The following CD109 variants were observed in gnomAD, a reference collection of about 807,000 sequenced individuals.
CD109 encodes CD109 molecule, also known as CD109 antigen.
In CD109, 149 loss-of-function variants were observed where a neutral mutation model predicts 165.8. That is an observed-to-expected ratio of 0.90 (90% CI 0.79 to 1.03). The LOEUF is 1.03. Among genes scored for constraint, CD109 ranks in the 50% least tolerant of loss-of-function variants. The pLI, the probability that CD109 is intolerant of heterozygous loss-of-function variation, is 0.00. For missense variants in CD109, 1,712 were observed against 1,677.8 expected, an observed-to-expected ratio of 1.02 and a Z score of -0.36; for synonymous variants, 585 against 592.1, an observed-to-expected ratio of 0.99 and a Z score of 0.18.
chr6:73,730,138 A>G (rs990695983), intron 3 of CD109, among the ~76,000 whole-genome samples: 22 of 152,212 alleles, frequency 1.4e-4, no homozygotes, highest in Admixed American at 6.5e-5. Flanking sequence ...CCATTCCAGG[A>G]GCCCTGTGAT....
chr6:73,792,596 CTGA>C, intron 22 of CD109, 27 bp from the exon 23 acceptor site: 1 of 1,606,548 alleles, frequency 6.2e-7, no homozygotes, highest in Non-Finnish European at 8.5e-7. Flanking sequence ...TGAGTATTTA[CTGA>C]ATGAACTGCA....
chr6:73,802,253 GTA>G (rs201978336), intron 23 of CD109, among the ~76,000 whole-genome samples: 2,070 of 129,696 alleles, frequency 0.016, 23 homozygotes, highest in East Asian at 0.041. Flanking sequence ...CTGAGCATGT[GTA>G]TATGTGTGTG....
chr6:73,736,721 T>G (rs1582081139), intron 5 of CD109, among the ~76,000 whole-genome samples: 2 of 152,358 alleles, frequency 1.3e-5, no homozygotes, highest in East Asian at 3.8e-4. Flanking sequence ...TGTTGTCTTT[T>G]TCTATGATAT....
chr6:73,709,654 G>T (rs1469359939), intron 2 of CD109, among the ~76,000 whole-genome samples: 1 of 152,010 alleles, frequency 6.6e-6, no homozygotes, highest in Non-Finnish European at 1.5e-5. Context: ...AGAATTTTAG[G>T]CCAATATCCC....
At chr6:73,700,383 A>AT (rs1282823446) in intron 2 of CD109, among the ~76,000 whole-genome samples, 2 of 151,200 alleles carry the variant, frequency 1.3e-5, no homozygotes, top group African/African-American at 4.9e-5. Context: ...TGATTGTTTC[A>AT]TTTTCCTATG....
intron 2 of CD109, among the ~76,000 whole-genome samples, chr6:73,708,172 C>A (rs755856232): frequency 6.6e-6 from 1 of 151,846 alleles, no homozygotes; most frequent in African/African-American, 2.4e-5. Flanking sequence ...CGACAGGCCC[C>A]GGTGTGTGAT....
At chr6:73,742,654 C>T (rs764933623) in intron 5 of CD109, among the ~76,000 whole-genome samples, 12 of 152,196 alleles carry the variant, frequency 7.9e-5, no homozygotes, top group Admixed American at 1.3e-4. Context: ...CATTTGATGA[C>T]GGCAGCCCTG....
chr6:73,767,058 TTTTA>T, intron 13 of CD109, 48 bp downstream of exon 13: 1 of 1,500,816 alleles, frequency 6.7e-7, no homozygotes, highest in Non-Finnish European at 9.2e-7. Flanking sequence ...AGAATCATCT[TTTTA>T]TTCACTTTTA....
intron 5 of CD109, among the ~76,000 whole-genome samples, chr6:73,739,846 T>TA (rs988853308): frequency 2.0e-5 from 3 of 150,220 alleles, no homozygotes; most frequent in African/African-American, 2.5e-5. Flanking sequence ...ATACTCTGGC[T>TA]AAAAAAAAAG....
At chr6:73,785,622 T>C (rs1001316332) in intron 20 of CD109, 145 bp downstream of exon 20, 4 of 543,888 alleles carry the variant, frequency 7.4e-6, no homozygotes, top group South Asian at 2.7e-5. Flanking sequence ...ACATGTCTTG[T>C]CAGTGATTTC....
the CD109 span, among the ~76,000 whole-genome samples, chr6:73,686,123 C>G: frequency 7.2e-4 from 110 of 152,300 alleles, 2 homozygotes; most frequent in East Asian, 0.016. Flanking sequence ...TAATGTGAAA[C>G]TGTCTTTCCT....
chr6:73,807,150 G>A (rs1214717866), intron 25 of CD109, 78 bp downstream of exon 25: 1 of 1,033,898 alleles, frequency 9.7e-7, no homozygotes, highest in Non-Finnish European at 1.5e-6. Flanking sequence ...ATATGTGTGT[G>A]GAAACTTAAC....
chr6:73,803,133 A>G, intron 23 of CD109, 87 bp from the exon 24 acceptor site: 2 of 879,116 alleles, frequency 2.3e-6, no homozygotes, highest in Non-Finnish European at 3.8e-6. Context: ...CTCTGCCCAT[A>G]TTTCCTCAAT....
At chr6:73,756,783 C>T in intron 6 of CD109, 101 bp downstream of exon 6, 1 of 787,450 alleles carries the variant, frequency 1.3e-6, no homozygotes, top group South Asian at 2.4e-5. Context: ...GTAAAAATCT[C>T]AATGGAGTTA....
Position 73,717,748 on chromosome 6 carries a change from T to C in CD109, c.248-5503T>C, listed in dbSNP as rs1315618265. Among the ~76,000 whole-genome samples the C allele has an allele frequency of 2.6e-5, 4 of 150,970 alleles. No individual in the cohort carries two copies. The East Asian group carries it at 6.0e-4, about 22-fold the overall frequency. On this transcript the variant is annotated intron_variant, in intron 2 of 32. Coordinates refer to ENST00000287097, the MANE Select transcript of CD109 (RefSeq NM_133493.5). Reference sequence around the variant, plus strand: ...CATTCTCCTACCTCAGACTTCCAAGTAGCTGGGACTACAGGCGCCTGCAAC... The same window carrying C: ...CATTCTCCTACCTCAGACTTCCAAGCAGCTGGGACTACAGGCGCCTGCAAC...
the CD109 span, among the ~76,000 whole-genome samples, chr6:73,680,427 G>A: frequency 1.6e-4 from 24 of 152,182 alleles, no homozygotes; most frequent in Non-Finnish European, 2.9e-4. Context: ...TTGCCCCTAA[G>A]CCAAGACAGC....
rs1775589474 is a variant in CD109, at chr6:73,806,994, G to A, written c.3111G>A (p.Glu1037=). 2.5e-6 allele frequency: 4 copies of A among 1,613,910 alleles called. No individual in the cohort carries two copies. The highest frequency in any genetic ancestry group is 1.1e-5 in the South Asian group (1 of 91,080). Residue 1037 remains glutamate, a synonymous_variant, in exon 25 of 33, where the codon GAG becomes GAA. Transcript: ENST00000287097. The part of the protein sequence containing the change: ...FWDPGRVIHS[E]LQGGNKSPVT... Reference sequence around the variant, plus strand: ...ATCCAGGAAGAGTGATTCATAGTGAGCTTCAAGGTGGCAATAAAAGTCCAG... The same window carrying A: ...ATCCAGGAAGAGTGATTCATAGTGAACTTCAAGGTGGCAATAAAAGTCCAG...
chr6:73,802,909 A>C (rs1217571688), intron 23 of CD109, among the ~76,000 whole-genome samples: 2 of 152,064 alleles, frequency 1.3e-5, no homozygotes, highest in East Asian at 3.9e-4. Flanking sequence ...CATGTTGGTC[A>C]AGCTGGTCTC....
upstream of CD109, among the ~76,000 whole-genome samples, chr6:73,693,556 C>T (rs1028664694): frequency 2.0e-5 from 3 of 152,166 alleles, no homozygotes; most frequent in Non-Finnish European, 4.4e-5. Flanking sequence ...AGACCATTTT[C>T]AGTTTTTCTT....
Sources: gnomAD v4.1 joint callset for allele counts (sites outside exome capture counted in the v4.1 genomes callset) on GRCh38, gnomAD v4.1.1 for gene constraint, MANE v1.5 for transcripts, NCBI Gene and HGNC (gene_info 2026-07-23, HGNC 2026-07-21) for gene names.